The following FRY variants were observed in gnomAD, a reference collection of about 807,000 sequenced individuals.
FRY encodes FRY microtubule binding protein.
A neutral mutation model predicts 348.4 loss-of-function variants in FRY; 128 were observed. The ratio of observed to expected loss-of-function variants is 0.37; its 90% CI spans 0.32 to 0.43. The LOEUF (loss-of-function observed/expected upper bound fraction) is 0.43. Ranked by LOEUF, FRY falls within the 20% of genes least tolerant of loss-of-function variation. The probability of loss-of-function intolerance (pLI) is 1.00; values close to 1 mark genes in which losing one functional copy is unlikely to be tolerated. For synonymous variants in FRY, 1,370 were observed against 1,374.7 expected (o/e 1.00, Z 0.08); for missense variants, 2,736 against 3,695.2 (o/e 0.74, Z 6.73).
At chr13:32,041,594 T>A (rs1345303443) in intron 1 of FRY, among the ~76,000 whole-genome samples, 2 of 152,198 alleles carry the variant, frequency 1.3e-5, no homozygotes, top group Non-Finnish European at 2.9e-5. Context: ...AAATTCAGCT[T>A]CCTTAGGGAG....
Position 32,124,894 on chromosome 13 carries a change from C to T in FRY, c.716+19C>T. The T allele has an allele frequency of 1.3e-6, 2 of 1,556,254 alleles. No homozygotes were observed. The highest frequency in any genetic ancestry group is 8.9e-7 in the Non-Finnish European group (1 of 1,127,190). ...AAGCCAAGTAAGTGAATGCCAGAAC[C>T]CTTTACCATGAGAACGTGCGTGCTT... On this transcript the variant is annotated intron_variant, in intron 7 of 60. Transcript: ENST00000542859.
At chr13:32,291,816 G>A (rs190802299) in intron 59 of FRY, among the ~76,000 whole-genome samples, 235 of 152,328 alleles carry the variant, frequency 1.5e-3, no homozygotes, top group African/African-American at 5.4e-3. Flanking sequence ...AGAGGCTCAA[G>A]ACTTAAGTAG....
intron 29 of FRY, among the ~76,000 whole-genome samples, chr13:32,196,347 T>C (rs996481590): frequency 2.6e-4 from 39 of 152,304 alleles, no homozygotes; most frequent in African/African-American, 9.1e-4. Flanking sequence ...TATAAGTACA[T>C]TTATTTATTA....
chr13:32,227,914 G>T (rs1307148390), intron 39 of FRY, among the ~76,000 whole-genome samples: 1 of 152,114 alleles, frequency 6.6e-6, no homozygotes, highest in African/African-American at 2.4e-5. Flanking sequence ...ACCACGCTCG[G>T]CTAATTTTTG....
rs1882437436 is a variant in FRY, at chr13:32,177,495, G to A, written c.2422-682G>A. 3.3e-5 allele frequency among the ~76,000 whole-genome samples: 5 copies of A among 152,226 alleles called. No individual in the cohort carries two copies. The South Asian group carries it at 1.0e-3, about 32-fold the overall frequency. Reference sequence around the variant, plus strand: ...TGTAATCCCAGCTACTGGGGAGGCTGAGGTACAAGAATCGCTTGAACCTGG... The same window carrying A: ...TGTAATCCCAGCTACTGGGGAGGCTAAGGTACAAGAATCGCTTGAACCTGG... On this transcript the variant is annotated intron_variant, in intron 20 of 60. Coordinates refer to ENST00000542859, the MANE Select transcript of FRY (RefSeq NM_023037.3).
intron 7 of FRY, 114 bp from the exon 8 acceptor site, chr13:32,131,558 G>A (rs1879365952): frequency 1.3e-6 from 1 of 751,896 alleles, no homozygotes; most frequent in Non-Finnish European, 2.3e-6. Flanking sequence ...TGTTGTACTT[G>A]AACTGATTTA....
chr13:32,086,406 G>A (rs537927180), intron 2 of FRY, among the ~76,000 whole-genome samples: 125 of 152,300 alleles, frequency 8.2e-4, no homozygotes, highest in Non-Finnish European at 1.5e-3. Flanking sequence ...TCACTCTAGT[G>A]TATAAAACAA....
chr13:32,137,554 T>TC (rs1356636253), intron 11 of FRY, among the ~76,000 whole-genome samples: 34 of 152,370 alleles, frequency 2.2e-4, no homozygotes, highest in African/African-American at 7.9e-4. Flanking sequence ...ATTCACTGTT[T>TC]CCAGCAATAC....
chr13:32,199,621 A>C (rs1883886131), intron 29 of FRY, among the ~76,000 whole-genome samples: 2 of 152,198 alleles, frequency 1.3e-5, no homozygotes, highest in African/African-American at 2.4e-5. Context: ...CTATTCACCT[A>C]CCTGCAAGCA....
intron 1 of FRY, among the ~76,000 whole-genome samples, chr13:32,048,722 C>A (rs1593558933): frequency 6.6e-6 from 1 of 152,004 alleles, no homozygotes; most frequent in African/African-American, 2.4e-5. Flanking sequence ...AGGTCTTTTT[C>A]CACGTGGGGA....
At chr13:32,119,148 T>C (rs1013998882) in intron 4 of FRY, among the ~76,000 whole-genome samples, 1 of 152,226 alleles carries the variant, frequency 6.6e-6, no homozygotes, top group African/African-American at 2.4e-5. Flanking sequence ...TAGTTAATGC[T>C]TGAATTTTTA....
intron 1 of FRY, among the ~76,000 whole-genome samples, chr13:32,040,115 T>C (rs906851435): frequency 2.5e-4 from 38 of 152,362 alleles, no homozygotes; most frequent in African/African-American, 9.1e-4. Context: ...GGTAAATATG[T>C]ATTTTGGCAG....
intron 11 of FRY, among the ~76,000 whole-genome samples, chr13:32,140,027 A>C (rs74044405): frequency 0.076 from 11,514 of 151,774 alleles, 1,177 homozygotes; most frequent in African/African-American, 0.23. Flanking sequence ...GGGAGAATTT[A>C]AAAATTTCTT....
At chr13:32,277,559 C>T (rs1888590312) in intron 57 of FRY, among the ~76,000 whole-genome samples, 1 of 152,110 alleles carries the variant, frequency 6.6e-6, no homozygotes, top group South Asian at 2.1e-4. Flanking sequence ...ATTCAAAGGC[C>T]CACGCTCTTA....
At chr13:32,174,125 G>A (rs1566111297) in intron 19 of FRY, among the ~76,000 whole-genome samples, 1 of 152,218 alleles carries the variant, frequency 6.6e-6, no homozygotes. Context: ...TTGCAAGCTG[G>A]CATGGGTGGC....
chr13:32,173,520 G>A lies in FRY; in HGVS notation c.2305G>A (p.Ala769Thr), dbSNP rs201984653. Residue 769 changes from alanine to threonine, a missense_variant, in exon 19 of 61, where the codon GCG becomes ACG. Ala to Thr is a moderately conservative substitution (Grantham distance 58). Coordinates refer to ENST00000542859, the MANE Select transcript of FRY (RefSeq NM_023037.3). ...CGTTTTAATACTCAAGGAAATTCGA[G>A]CGTTGTTTATTGCCCTGGGGCAGCC... ...LSVLILKEIR[A>T]LFIALGQPED... 1.8e-4 allele frequency: 293 copies of A among 1,613,598 alleles called. No individual in the cohort carries two copies. Among genetic ancestry groups the A allele is most frequent in the Non-Finnish European group, 2.3e-4 (276 of 1,179,924 alleles).
intron 1 of FRY, among the ~76,000 whole-genome samples, chr13:32,059,545 C>CT (rs11427161): frequency 0.51 from 75,256 of 148,552 alleles, 19,863 homozygotes; most frequent in Admixed American, 0.58. Context: ...TTTCTTTCAT[C>CT]TTTTTTTTGT....
intron 17 of FRY, among the ~76,000 whole-genome samples, chr13:32,164,655 A>G (rs908196446): frequency 3.9e-5 from 6 of 152,182 alleles, no homozygotes; most frequent in Non-Finnish European, 8.8e-5. Flanking sequence ...ATGTGGCTCC[A>G]TGGAAGCTTC....
chr13:32,231,736 G>A (rs1038026333), intron 41 of FRY, among the ~76,000 whole-genome samples: 1 of 152,102 alleles, frequency 6.6e-6, no homozygotes, highest in African/African-American at 2.4e-5. Flanking sequence ...AACAATTCCT[G>A]TGCAGATGAC....
Sources: gnomAD v4.1 joint callset for allele counts (sites outside exome capture counted in the v4.1 genomes callset) on GRCh38, gnomAD v4.1.1 for gene constraint, MANE v1.5 for transcripts, NCBI Gene and HGNC (gene_info 2026-07-23, HGNC 2026-07-21) for gene names.